SPI1: variants seen among roughly 807,000 people sequenced by gnomAD.
SPI1 encodes the protein transcription factor PU.1.
A neutral mutation model predicts 30.7 loss-of-function variants in SPI1; 3 were observed. The observed-to-expected ratio is 0.10, with a 90% CI of 0.04 to 0.25. The LOEUF is 0.25. Ranked by LOEUF, SPI1 falls within the 10% of genes least tolerant of loss-of-function variation. The probability of loss-of-function intolerance (pLI) is 1.00; values close to 1 mark genes in which losing one functional copy is unlikely to be tolerated. For missense variants in SPI1, 261 were observed against 371.5 expected (o/e 0.70, Z 2.45); for synonymous variants, 169 against 157.1 (o/e 1.08, Z -0.56).
intron 1 of SPI1, among the ~76,000 whole-genome samples, chr11:47,377,119 T>C (rs1163059256): frequency 1.3e-5 from 2 of 152,216 alleles, no homozygotes; most frequent in Non-Finnish European, 2.9e-5. Flanking sequence ...TGCCTGGTCC[T>C]GCCTGTGGCT....
At chr11:47,370,423 G>T (rs528202386) in intron 2 of SPI1, among the ~76,000 whole-genome samples, 163 of 148,836 alleles carry the variant, frequency 1.1e-3, no homozygotes, top group Non-Finnish European at 2.1e-4. Context: ...AAAAAAAAAG[G>T]CCAGGCATGG....
intron 2 of SPI1, among the ~76,000 whole-genome samples, chr11:47,366,563 G>T (rs2095928383): frequency 6.6e-6 from 1 of 152,238 alleles, no homozygotes; most frequent in South Asian, 2.1e-4. Flanking sequence ...TTATTCAGAC[G>T]TAGAAACAGG....
chr11:47,358,523 C>T, intron 4 of SPI1: 2 of 676,500 alleles, frequency 3.0e-6, no homozygotes, highest in South Asian at 1.6e-5. Flanking sequence ...CAGCCACTCG[C>T]ACACATGCAC....
chr11:47,355,739 G>C (rs61466264), intron 4 of SPI1, among the ~76,000 whole-genome samples, 193 bp from the exon 5 acceptor site: 149,978 of 150,148 alleles, frequency 1, 74,904 homozygotes, highest in Non-Finnish European at 1. Flanking sequence ...CGCACACACA[G>C]GCGTTCACAC....
intron 1 of SPI1, among the ~76,000 whole-genome samples, chr11:47,378,057 T>G (rs1404524274): frequency 6.6e-6 from 1 of 152,216 alleles, no homozygotes; most frequent in African/African-American, 2.4e-5. Flanking sequence ...ACCCGAGCCC[T>G]GTCTATAAAT....
chr11:47,378,097 C>T (rs968574841), intron 1 of SPI1, among the ~76,000 whole-genome samples: 3 of 152,278 alleles, frequency 2.0e-5, no homozygotes, highest in Admixed American at 6.5e-5. Flanking sequence ...ATCACAGCCC[C>T]ACCGTGGGCC....
At chr11:47,372,228 C>T (rs895722008) in intron 2 of SPI1, among the ~76,000 whole-genome samples, 1 of 152,034 alleles carries the variant, frequency 6.6e-6, no homozygotes, top group African/African-American at 2.4e-5. Flanking sequence ...CCTCAGCCTC[C>T]CAAGTAGCTA....
intron 4 of SPI1, chr11:47,358,414 A>G: frequency 1.6e-6 from 1 of 628,742 alleles, no homozygotes; most frequent in Non-Finnish European, 2.9e-6. Flanking sequence ...GCTCACACGC[A>G]CTGAAATACA....
At chr11:47,361,359 C>T (rs145139875) in intron 2 of SPI1, among the ~76,000 whole-genome samples, 243 of 152,266 alleles carry the variant, frequency 1.6e-3, no homozygotes, top group South Asian at 3.7e-3. Context: ...CCTGTGTTCC[C>T]GTGAGGTTCC....
At chr11:47,367,886 T>C (rs2095930706) in intron 2 of SPI1, among the ~76,000 whole-genome samples, 1 of 149,736 alleles carries the variant, frequency 6.7e-6, no homozygotes, top group Non-Finnish European at 1.5e-5. Context: ...GCCTCCTGAG[T>C]AGCTGGGACT....
At chr11:47,357,917 T>C (rs963564277) in intron 4 of SPI1, among the ~76,000 whole-genome samples, 3 of 151,210 alleles carry the variant, frequency 2.0e-5, no homozygotes, top group Admixed American at 6.6e-5. Context: ...CTTTCACACA[T>C]ACACATACCT....
intron 2 of SPI1, among the ~76,000 whole-genome samples, chr11:47,370,060 C>T (rs994530828): frequency 6.6e-6 from 1 of 152,188 alleles, no homozygotes; most frequent in African/African-American, 2.4e-5. Flanking sequence ...GTTTCAGCAG[C>T]CTGGTTTCAG....
intron 4 of SPI1, among the ~76,000 whole-genome samples, chr11:47,357,083 C>T (rs933682640): frequency 2.6e-5 from 4 of 151,488 alleles, no homozygotes; most frequent in African/African-American, 9.7e-5. Flanking sequence ...TAACACTTCA[C>T]ACATGCTAAC....
At chr11:47,378,240 GGTTCGTGGGCAGGCAGGCAGGC>G in intron 1 of SPI1, 47 bp downstream of exon 1, 1 of 1,532,870 alleles carries the variant, frequency 6.5e-7, no homozygotes, top group Non-Finnish European at 9.0e-7. Flanking sequence ...TGGGCTGGCG[GGTTCGTGGGCAGGCAGGCAGGC>G]GTCCGAGGGC....
At chr11:47,356,486 A>G (rs2095909651) in intron 4 of SPI1, among the ~76,000 whole-genome samples, 1 of 148,660 alleles carries the variant, frequency 6.7e-6, no homozygotes, top group African/African-American at 2.5e-5. Context: ...GTCACACCCA[A>G]TGCACCTTCT....
At chr11:47,373,854 G>C (rs1443677473) in intron 2 of SPI1, among the ~76,000 whole-genome samples, 1 of 152,140 alleles carries the variant, frequency 6.6e-6, no homozygotes, top group East Asian at 1.9e-4. Context: ...CTTGGACCCT[G>C]AGCCACGAAA....
chr11:47,377,920 C>T (rs1351415187), intron 1 of SPI1, among the ~76,000 whole-genome samples: 1 of 152,244 alleles, frequency 6.6e-6, no homozygotes, highest in Non-Finnish European at 1.5e-5. Flanking sequence ...CTGCCTTCAA[C>T]CCCTTCCCAT....
intron 2 of SPI1, among the ~76,000 whole-genome samples, chr11:47,369,986 G>T (rs1479632444): frequency 6.6e-6 from 1 of 152,222 alleles, no homozygotes; most frequent in Admixed American, 6.5e-5. Context: ...AGAAGTTGAG[G>T]CACAGAGAGG....
intron 2 of SPI1, among the ~76,000 whole-genome samples, chr11:47,365,112 C>T (rs992510010): frequency 6.6e-6 from 1 of 152,150 alleles, no homozygotes; most frequent in African/African-American, 2.4e-5. Context: ...GGAATCCTTC[C>T]TAGTGCAGAG....
Sources: allele counts gnomAD v4.1 joint callset (sites outside exome capture counted in the v4.1 genomes callset), GRCh38; gene constraint gnomAD v4.1.1; transcripts MANE v1.5; gene names NCBI Gene and HGNC (gene_info 2026-07-23, HGNC 2026-07-21).